Variants in SLIT1 observed in about 807,000 individuals in gnomAD.
SLIT1 encodes slit homolog 1 protein.
In SLIT1, 66 loss-of-function variants were observed where a neutral mutation model predicts 186.1. That is an observed-to-expected ratio of 0.35 (90% CI 0.29 to 0.44). SLIT1 has a LOEUF of 0.44. SLIT1 is among the 20% of genes least tolerant of loss of function. The pLI is 1.00. For synonymous variants in SLIT1, 761 were observed against 833.8 expected, an observed-to-expected ratio of 0.91 and a Z score of 1.50; for missense variants, 1,638 against 2,037.4, an observed-to-expected ratio of 0.80 and a Z score of 3.77.
chr10:97,022,387 C>T lies in SLIT1; in HGVS notation c.2583-974G>A, dbSNP rs1337461640. On this transcript the variant is annotated intron_variant, in intron 25 of 36. Transcript: ENST00000266058. The surrounding 1 kb of genome is among the most constrained non-coding windows in gnomAD (Gnocchi z 4.2). ...GCAGACAAAGCAAGTGTCTGCCCTG[C>T]ACAACACTGTGAATGATTAAATGCC... Among the ~76,000 whole-genome samples, 7 of 152,200 alleles carry T rather than the reference C, an allele frequency of 4.6e-5. No individual in the cohort carries two copies. In the East Asian group the frequency reaches 1.3e-3, roughly 29 times the overall value.
Position 97,093,867 on chromosome 10 carries a change from C to T in SLIT1, c.414-27781G>A, listed in dbSNP as rs113462629. Among the ~76,000 whole-genome samples the T allele has an allele frequency of 4.0e-3, 602 of 152,344 alleles. 3 individuals carry two copies. The highest frequency in any genetic ancestry group is 0.011 in the African/African-American group (466 of 41,560). ...GTGCAGGCACCTGTGGGCCTGACCA[C>T]AGCAGAGAAGCAAAGTCCTGAGATG... On this transcript the variant is annotated intron_variant, in intron 4 of 36. Coordinates refer to ENST00000266058, the MANE Select transcript of SLIT1 (RefSeq NM_003061.3).
chr10:97,083,573 G>T (rs1849126966), intron 4 of SLIT1, among the ~76,000 whole-genome samples: 1 of 152,180 alleles, frequency 6.6e-6, no homozygotes, highest in South Asian at 2.1e-4. Flanking sequence ...GAACTTAGAT[G>T]CTTGTATAAT....
rs564459634 is a variant in SLIT1, at chr10:97,065,752, C to T, written c.485+263G>A. The T allele has an allele frequency of 4.8e-4, 204 of 424,564 alleles. 1 individual carries two copies. Among genetic ancestry groups the T allele is most frequent in the African/African-American group, 3.2e-3 (162 of 50,394 alleles). The allele number at this position is 424,564 out of a possible 1,614,324, so 26.3% of individuals were successfully genotyped here. ...CTAAATGGACTGAGAACATTGCCCA[C>T]GCTGATAACACGCTTCACCAGGTCC... On this transcript the variant is annotated intron_variant, in intron 5 of 36. Coordinates refer to ENST00000266058, the MANE Select transcript of SLIT1 (RefSeq NM_003061.3).
At chr10:97,051,711 G>C (rs923010048) in intron 13 of SLIT1, among the ~76,000 whole-genome samples, 16 of 151,852 alleles carry the variant, frequency 1.1e-4, no homozygotes, top group African/African-American at 3.9e-4. Flanking sequence ...TACTTGGGAG[G>C]CTGAGGCAGA....
At chr10:97,117,286 A>T (rs1189639377) in intron 4 of SLIT1, among the ~76,000 whole-genome samples, 2 of 48,086 alleles carry the variant, frequency 4.2e-5, no homozygotes, top group African/African-American at 7.1e-5. Context: ...CAGGTAAATT[A>T]AAAAAAATTA....
chr10:97,038,361 C>T (rs977556616), intron 21 of SLIT1, among the ~76,000 whole-genome samples: 1 of 152,192 alleles, frequency 6.6e-6, no homozygotes, highest in Admixed American at 6.5e-5. Flanking sequence ...GCCGACTGTG[C>T]ACCACCACCC....
intron 4 of SLIT1, among the ~76,000 whole-genome samples, chr10:97,134,406 G>GC (rs1849682532): frequency 6.6e-6 from 1 of 152,184 alleles, no homozygotes; most frequent in Admixed American, 6.5e-5. Context: ...AGGAACAATG[G>GC]CCCCTGGGAA....
rs115457817 is a variant in SLIT1 at position 97,121,749 on chromosome 10, C to T, written c.413+36069G>A. 3.7e-3 allele frequency among the ~76,000 whole-genome samples: 562 copies of T among 152,276 alleles called. 3 individuals carry two copies. Among genetic ancestry groups the T allele is most frequent in the African/African-American group, 0.013 (530 of 41,562 alleles). On this transcript the variant is annotated intron_variant, in intron 4 of 36. Coordinates refer to ENST00000266058, the MANE Select transcript of SLIT1 (RefSeq NM_003061.3). ...GGACCTCTCAGACGTGTAGTTCTTA[C>T]CTTGGCTCCATTTCATCTGCCCATT...
In SLIT1 at chr10:97,010,331, G is replaced by C. The variant is rs554745190; in HGVS notation, c.3341+662C>G. Among the ~76,000 whole-genome samples, 5 of 152,328 alleles carry C rather than the reference G, an allele frequency of 3.3e-5. No individual in the cohort carries two copies. The East Asian group carries it at 7.7e-4, about 24-fold the overall frequency. ...CAAAGGACAACAGACTGTACGATTC[G>C]ACTTATAGGAAATCCCCAGAACAGG... On this transcript the variant is annotated intron_variant, in intron 31 of 36. Transcript: ENST00000266058. The surrounding 1 kb of genome is among the most constrained non-coding windows in gnomAD (Gnocchi z 4.8).
Position 97,110,498 on chromosome 10 carries a change from T to C in SLIT1, c.414-44412A>G, listed in dbSNP as rs538498642. 1.1e-4 allele frequency among the ~76,000 whole-genome samples: 16 copies of C among 152,268 alleles called. No individual in the cohort carries two copies. In the South Asian group the frequency reaches 3.3e-3, roughly 32 times the overall value. On this transcript the variant is annotated intron_variant, in intron 4 of 36. Coordinates refer to ENST00000266058, the MANE Select transcript of SLIT1 (RefSeq NM_003061.3). ...AAAAATGCATGAACCACAGTCCACA[T>C]CATCATGGATGAATTTCAGAAATGT...
At chr10:97,147,635 G>C (rs57945497) in intron 4 of SLIT1, among the ~76,000 whole-genome samples, 3,042 of 151,896 alleles carry the variant, frequency 0.02, 104 homozygotes, top group African/African-American at 0.066. Flanking sequence ...GAGCTGGGAG[G>C]GGGGGGAAGG....
At chr10:97,179,750 AG>A (rs1012014168) in intron 1 of SLIT1, among the ~76,000 whole-genome samples, 17 of 150,794 alleles carry the variant, frequency 1.1e-4, no homozygotes, top group African/African-American at 4.2e-4. Flanking sequence ...CAGAAAGGAG[AG>A]GAGGGGGTCA....
chr10:97,166,242 T>C (rs1174027580), intron 1 of SLIT1, among the ~76,000 whole-genome samples: 1 of 151,908 alleles, frequency 6.6e-6, no homozygotes, highest in Non-Finnish European at 1.5e-5. Context: ...CGGCCTGGTG[T>C]GGTGGCTCAC....
Position 97,002,704 on chromosome 10 carries a change from T to C in SLIT1, c.4154A>G (p.Lys1385Arg), listed in dbSNP as rs779934961. 7.7e-6 allele frequency: 12 copies of C among 1,567,828 alleles called. No homozygotes were observed. The highest frequency in any genetic ancestry group is 1.0e-5 in the Non-Finnish European group (12 of 1,153,636). Residue 1385 changes from lysine to arginine, a missense_variant and splice_region_variant, in exon 35 of 37, where the codon AAG (lysine) becomes AGG (arginine). Lys to Arg is a conservative substitution (Grantham distance 26, BLOSUM62 2). This residue lies in a region of SLIT1 where 220 missense variants were observed against 211.3 expected (regional missense o/e 1.04). Coordinates refer to ENST00000266058, the MANE Select transcript of SLIT1 (RefSeq NM_003061.3). ...GGCTCCCCCAGTGCCCCAGGCTCAC[T>C]TGTGGCCATGGCAGGGGCCGTCAGC... Reference protein sequence around the residue: ...QPADGPCHGHKCVHGQCVPLD... With the variant: ...QPADGPCHGHRCVHGQCVPLD...
At chr10:97,170,698 C>A (rs1413982647) in intron 1 of SLIT1, among the ~76,000 whole-genome samples, 1 of 152,222 alleles carries the variant, frequency 6.6e-6, no homozygotes, top group Non-Finnish European at 1.5e-5. Context: ...CCTGTGTGGT[C>A]CTAGCCTGAA....
intron 1 of SLIT1, among the ~76,000 whole-genome samples, chr10:97,179,770 G>A (rs1000836081): frequency 1.3e-5 from 2 of 148,680 alleles, no homozygotes; most frequent in African/African-American, 2.5e-5. Context: ...CATGAGCTCC[G>A]TCAAAAAGAG....
intron 4 of SLIT1, among the ~76,000 whole-genome samples, chr10:97,101,042 G>T (rs1849348101): frequency 6.6e-6 from 1 of 152,204 alleles, no homozygotes; most frequent in Admixed American, 6.5e-5. Context: ...CTTCCTGCTG[G>T]CACTGAGCCC....
chr10:97,060,584 C>T, intron 9 of SLIT1, 56 bp downstream of exon 9: 1 of 1,604,982 alleles, frequency 6.2e-7, no homozygotes, highest in Non-Finnish European at 8.5e-7. Flanking sequence ...ACTGGCCCTC[C>T]AGAGCCAGGC....
At chr10:97,070,344 A>T (rs925005329) in intron 4 of SLIT1, among the ~76,000 whole-genome samples, 3 of 152,220 alleles carry the variant, frequency 2.0e-5, no homozygotes, top group African/African-American at 7.2e-5. Context: ...CTCCAGGTTA[A>T]TGGGCTGAAA....
Sources: allele counts gnomAD v4.1 joint callset (sites outside exome capture counted in the v4.1 genomes callset), GRCh38; gene constraint gnomAD v4.1.1; regional missense constraint gnomAD v4.1.1; non-coding constraint Gnocchi (gnomAD v3.1); transcripts MANE v1.5; gene names NCBI Gene and HGNC (gene_info 2026-07-23, HGNC 2026-07-21).